The following SNRNP70 variants were observed in gnomAD, a reference collection of about 807,000 sequenced individuals.
The protein encoded by SNRNP70 is U1 small nuclear ribonucleoprotein 70 kDa.
Under a neutral mutation model 50.5 loss-of-function variants are expected in SNRNP70, and 8 were observed. The observed-to-expected ratio is 0.16, with a 90% CI of 0.09 to 0.29. SNRNP70 has a LOEUF of 0.29. Among genes scored for constraint, SNRNP70 ranks in the 10% least tolerant of loss-of-function variants. The pLI, the probability that SNRNP70 is intolerant of heterozygous loss-of-function variation, is 1.00. For missense variants in SNRNP70, 529 were observed against 663.5 expected, an observed-to-expected ratio of 0.80 and a Z score of 2.23; for synonymous variants, 320 against 252.9, an observed-to-expected ratio of 1.27 and a Z score of -2.52.
chr19:49,089,362 G>A (rs185689642), intron 2 of SNRNP70, among the ~76,000 whole-genome samples: 38 of 152,094 alleles, frequency 2.5e-4, no homozygotes, highest in Middle Eastern at 3.4e-3. Context: ...TAGAGAGACG[G>A]GCACAGGGGG....
chr19:49,105,295 T>G (rs1568423324), intron 8 of SNRNP70, among the ~76,000 whole-genome samples: 1 of 152,066 alleles, frequency 6.6e-6, no homozygotes, highest in Non-Finnish European at 1.5e-5. Flanking sequence ...GCAAGGTCAG[T>G]TTGGCTGCAA....
Position 49,107,558 on chromosome 19 carries a change from C to T in SNRNP70, c.578-67C>T, listed in dbSNP as rs895329169. On this transcript the variant is annotated intron_variant, in intron 8 of 9. Transcript: ENST00000598441. This position sits in a 1 kb window ranked among gnomAD's most constrained non-coding sequence, Gnocchi z 6.0. ...TCCTGCCCTTTGCTCTTGGAGTCGG[C>T]TCATTTCTGCTCCTCCGGGCCCTGT... is the stretch of plus-strand genomic sequence containing the variant. 34 of 1,494,102 alleles carry T rather than the reference C, an allele frequency of 2.3e-5. No homozygotes were observed. The Admixed American group carries it at 3.8e-4, about 17-fold the overall frequency. 92.6% of individuals were successfully genotyped at this position (1,494,102 alleles called of 1,614,324 possible).
Position 49,090,718 on chromosome 19 carries a change from G to C in SNRNP70, c.265+198G>C. 8.2e-6 allele frequency: 5 copies of C among 606,300 alleles called. No homozygotes were observed. In the South Asian group the frequency reaches 1.0e-4, roughly 12 times the overall value. 37.6% of individuals were successfully genotyped at this position (606,300 alleles called of 1,614,324 possible). The stretch of plus-strand genomic sequence containing the variant: ...TTCAGCAGCAGAACATAGGGTAAAA[G>C]TTGGCAGGAAGGGAGACCCCTGGTA... On this transcript the variant is annotated intron_variant, in intron 4 of 9. Transcript: ENST00000598441.
chr19:49,107,778 C>G lies in SNRNP70; in HGVS notation c.666-17C>G, dbSNP rs758648932. 1.2e-6 allele frequency: 2 copies of G among 1,611,054 alleles called. No homozygotes were observed. Among genetic ancestry groups the G allele is most frequent in the Non-Finnish European group, 8.5e-7 (1 of 1,179,100 alleles). On this transcript the variant is annotated splice_polypyrimidine_tract_variant and intron_variant, in intron 9 of 9. Transcript: ENST00000598441. The surrounding 1 kb of genome is among the most constrained non-coding windows in gnomAD (Gnocchi z 6.0). Reference sequence around the variant, plus strand: ...ACGGGGGGAGCCCAGCCACACAGGTCTGCCCACCTCATCCAGGCCCGGCCC... The same window carrying G: ...ACGGGGGGAGCCCAGCCACACAGGTGTGCCCACCTCATCCAGGCCCGGCCC...
Position 49,086,441 on chromosome 19 carries a change from T to C in SNRNP70, c.27T>C (p.Leu9=). The change falls in exon 2 of 10, where the codon CTT becomes CTC. Residue 9 remains leucine, a synonymous_variant. Coordinates refer to ENST00000598441, the MANE Select transcript of SNRNP70 (RefSeq NM_003089.6). MTQFLPPN[L]LALFAPRDPI... ...TGACCCAGTTCCTGCCGCCCAACCT[T>C]CTGGCCCTCTTTGCCCCCCGTGACC... The C allele has an allele frequency of 6.2e-7, 1 of 1,613,834 alleles. No homozygotes were observed.
rs1301824636 is a variant in SNRNP70, at chr19:49,098,506, C to T, written c.330+15C>T. The stretch of plus-strand genomic sequence containing the variant: ...TGGCGAGAGTGGTAAGTCCCCAGCT[C>T]CTAGCTCCTGGAACCCCACGCTGCT... On this transcript the variant is annotated intron_variant, in intron 5 of 9. Coordinates refer to ENST00000598441, the MANE Select transcript of SNRNP70 (RefSeq NM_003089.6). The T allele has an allele frequency of 5.0e-6, 8 of 1,612,718 alleles. No homozygotes were observed. Among genetic ancestry groups the T allele is most frequent in the Admixed American group, 1.7e-5 (1 of 59,950 alleles).
chr19:49,106,343 G>A (rs997117509), intron 8 of SNRNP70, among the ~76,000 whole-genome samples: 6 of 152,134 alleles, frequency 3.9e-5, no homozygotes, highest in South Asian at 2.1e-4. Flanking sequence ...CGGTGCACCC[G>A]CAGAAATACT....
chr19:49,085,787 C>T (rs767578554), intron 1 of SNRNP70, among the ~76,000 whole-genome samples, 151 bp downstream of exon 1: 1 of 152,254 alleles, frequency 6.6e-6, no homozygotes, highest in African/African-American at 2.4e-5. Flanking sequence ...ACCCCGAAAT[C>T]TCTGGGCACC....
In SNRNP70 at chr19:49,098,625, T is replaced by C. The variant is rs375820393; in HGVS notation, c.331-17T>C. On this transcript the variant is annotated splice_polypyrimidine_tract_variant and intron_variant, in intron 5 of 9. Coordinates refer to ENST00000598441, the MANE Select transcript of SNRNP70 (RefSeq NM_003089.6). ...AGCTCTGTTCTCCCATTTAACGTCA[T>C]ATCCATCTCCTTGTAGAATTATGAC... 2.0e-5 allele frequency: 32 copies of C among 1,612,730 alleles called. No individual in the cohort carries two copies. The South Asian group carries it at 2.3e-4, about 12-fold the overall frequency.
chr19:49,104,840 T>C lies in SNRNP70; in HGVS notation c.577+105T>C. On this transcript the variant is annotated intron_variant, in intron 8 of 9. Coordinates refer to ENST00000598441, the MANE Select transcript of SNRNP70 (RefSeq NM_003089.6). This position sits in a 1 kb window ranked among gnomAD's most constrained non-coding sequence, Gnocchi z 5.4. ...CTTCTCTGTCTCCTGCCGGCCCACC[T>C]CTCCCATCGCGTCCTCATCTCCGGC... 1 of 666,364 alleles carries C rather than the reference T, an allele frequency of 1.5e-6. No individual in the cohort carries two copies. Among genetic ancestry groups the C allele is most frequent in the South Asian group, 2.0e-5 (1 of 49,984 alleles). 41.3% of individuals were successfully genotyped at this position (666,364 alleles called of 1,614,324 possible). A position where few individuals can be genotyped will look rare whatever the true frequency, so the allele number is the denominator to read the frequency against.
Position 49,093,292 on chromosome 19 carries a change from G to A in SNRNP70, c.265+2772G>A, listed in dbSNP as rs193131226. ...TTAGAGACAGGGTTTCTCCATGTTG[G>A]TCAGGCTGTTCTCGAACTCCCGACC... On this transcript the variant is annotated intron_variant, in intron 4 of 9. Coordinates refer to ENST00000598441, the MANE Select transcript of SNRNP70 (RefSeq NM_003089.6). 2.0e-4 allele frequency among the ~76,000 whole-genome samples: 31 copies of A among 151,450 alleles called. No individual in the cohort carries two copies. In the East Asian group the frequency reaches 6.0e-3, roughly 29 times the overall value.
At chr19:49,087,940 C>CT (rs2040401971) in intron 2 of SNRNP70, among the ~76,000 whole-genome samples, 1 of 152,124 alleles carries the variant, frequency 6.6e-6, no homozygotes, top group African/African-American at 2.4e-5. Flanking sequence ...TGCTCTGTTG[C>CT]CCAGGCTGGA....
intron 2 of SNRNP70, among the ~76,000 whole-genome samples, chr19:49,089,652 C>T (rs1308805585): frequency 7.3e-6 from 1 of 137,440 alleles, no homozygotes; most frequent in African/African-American, 2.6e-5. Context: ...GTTTTTGAGA[C>T]AGGATTTTTT....
chr19:49,086,144 C>A (rs60775335), intron 1 of SNRNP70, among the ~76,000 whole-genome samples: 2,704 of 152,240 alleles, frequency 0.018, 83 homozygotes, highest in African/African-American at 0.062. Flanking sequence ...CCCCACAGCT[C>A]GTGTCAGAGG....
At chr19:49,106,074 C>T (rs1257941495) in intron 8 of SNRNP70, among the ~76,000 whole-genome samples, 1 of 152,206 alleles carries the variant, frequency 6.6e-6, no homozygotes, top group East Asian at 1.9e-4. Flanking sequence ...GGGCTCCTGT[C>T]CTGCCTCCCA....
intron 3 of SNRNP70, 53 bp from the exon 4 acceptor site, chr19:49,090,413 A>C: frequency 6.2e-7 from 1 of 1,612,968 alleles, no homozygotes; most frequent in Non-Finnish European, 8.5e-7. Flanking sequence ...GATCCTTGAC[A>C]CTAGGGCACT....
chr19:49,090,443 C>T, intron 3 of SNRNP70, 23 bp from the exon 4 acceptor site: 1 of 1,613,986 alleles, frequency 6.2e-7, no homozygotes, highest in Non-Finnish European at 8.5e-7. Flanking sequence ...ATTCACTTCT[C>T]CACCTCCCCT....
At chr19:49,096,137 A>G (rs2040510428) in intron 4 of SNRNP70, among the ~76,000 whole-genome samples, 1 of 151,330 alleles carries the variant, frequency 6.6e-6, no homozygotes, top group Non-Finnish European at 1.5e-5. Context: ...GGCTCACTGC[A>G]ATCTCCACCT....
intron 6 of SNRNP70, among the ~76,000 whole-genome samples, chr19:49,099,411 C>A (rs1179954572): frequency 1.3e-5 from 2 of 151,996 alleles, no homozygotes; most frequent in Non-Finnish European, 2.9e-5. Flanking sequence ...TATAGCAAGA[C>A]CCCGTTCTCC....
Sources: allele counts gnomAD v4.1 joint callset (sites outside exome capture counted in the v4.1 genomes callset), GRCh38; gene constraint gnomAD v4.1.1; non-coding constraint Gnocchi (gnomAD v3.1); transcripts MANE v1.5; gene names NCBI Gene and HGNC (gene_info 2026-07-23, HGNC 2026-07-21).